The following PLEKHH2 variants were observed in gnomAD, a reference collection of about 807,000 sequenced individuals.
PLEKHH2 encodes the protein pleckstrin homology domain-containing family H member 2.
In PLEKHH2, 129 loss-of-function variants were observed where a neutral mutation model predicts 187.9. That is an observed-to-expected ratio of 0.69 (90% CI 0.59 to 0.79). The LOEUF is 0.79. Among genes scored for constraint, PLEKHH2 ranks in the 30% least tolerant of loss-of-function variants. The probability of loss-of-function intolerance (pLI) is 0.00; values close to 1 mark genes in which losing one functional copy is unlikely to be tolerated. For missense variants in PLEKHH2, 2,076 were observed against 1,751.2 expected, an observed-to-expected ratio of 1.19 and a Z score of -3.31; for synonymous variants, 686 against 605.6, an observed-to-expected ratio of 1.13 and a Z score of -1.95.
intron 8 of PLEKHH2, among the ~76,000 whole-genome samples, chr2:43,702,338 T>C (rs1216842144): frequency 1.3e-5 from 2 of 152,208 alleles, no homozygotes; most frequent in African/African-American, 4.8e-5. Flanking sequence ...TGAAACCTTC[T>C]GTAGTTTATT....
chr2:43,684,685 A>G (rs759191757), intron 3 of PLEKHH2, among the ~76,000 whole-genome samples: 1 of 152,232 alleles, frequency 6.6e-6, no homozygotes, highest in Admixed American at 6.5e-5. Flanking sequence ...GGTAAGTTTG[A>G]CAGGAAGGAC....
Position 43,678,920 on chromosome 2 carries a change from C to A in PLEKHH2, c.181C>A (p.Gln61Lys). The A allele has an allele frequency of 1.9e-6, 3 of 1,607,226 alleles. No homozygotes were observed. The highest frequency in any genetic ancestry group is 2.6e-6 in the Non-Finnish European group (3 of 1,175,202). Reference protein sequence around the residue: ...DAERQAEKAFQQVQVMEDKLK... With the variant: ...DAERQAEKAFKQVQVMEDKLK... ...TGAACGTCAAGCAGAAAAAGCTTTT[C>A]AACAGGTAGAGTATAATTTTACTTT... Residue 61 changes from glutamine (Q) to lysine (K), a missense_variant, in exon 3 of 30, where the codon CAA becomes AAA. Physicochemically the swap from Gln to Lys is moderately conservative, Grantham distance 53. Coordinates refer to ENST00000282406, the MANE Select transcript of PLEKHH2 (RefSeq NM_172069.4).
chr2:43,684,989 C>G (rs1004165572), intron 3 of PLEKHH2, among the ~76,000 whole-genome samples: 1 of 152,100 alleles, frequency 6.6e-6, no homozygotes, highest in African/African-American at 2.4e-5. Context: ...ATCTAAAAGT[C>G]GACAGGAAAT....
intron 3 of PLEKHH2, among the ~76,000 whole-genome samples, chr2:43,691,767 C>T (rs1234033319): frequency 2.0e-5 from 3 of 152,198 alleles, no homozygotes; most frequent in African/African-American, 7.2e-5. Context: ...AAGCTATCTG[C>T]CTGCCTCGGC....
At chr2:43,644,424 G>C (rs551231990) in intron 1 of PLEKHH2, among the ~76,000 whole-genome samples, 1 of 139,886 alleles carries the variant, frequency 7.1e-6, no homozygotes, top group South Asian at 2.3e-4. Context: ...CTGAGACATA[G>C]AAAGGTTAAG....
intron 21 of PLEKHH2, 103 bp downstream of exon 21, chr2:43,741,146 T>A: frequency 1.9e-6 from 2 of 1,042,636 alleles, no homozygotes; most frequent in Non-Finnish European, 2.7e-6. Context: ...CAGAAGAATG[T>A]ATGAAACAAA....
chr2:43,686,647 A>G (rs561174724), intron 3 of PLEKHH2, among the ~76,000 whole-genome samples: 4 of 152,368 alleles, frequency 2.6e-5, no homozygotes, highest in African/African-American at 7.2e-5. Flanking sequence ...TTGCTTTTCA[A>G]CTTCTGCAAG....
intron 4 of PLEKHH2, among the ~76,000 whole-genome samples, chr2:43,693,933 T>G (rs1668960305): frequency 6.6e-6 from 1 of 152,136 alleles, no homozygotes; most frequent in Non-Finnish European, 1.5e-5. Flanking sequence ...CCCTGCCTAT[T>G]GCGATTTATT....
intron 15 of PLEKHH2, among the ~76,000 whole-genome samples, chr2:43,716,435 G>A (rs979799339): frequency 6.6e-6 from 1 of 152,190 alleles, no homozygotes; most frequent in Non-Finnish European, 1.5e-5. Flanking sequence ...GTGGGGAAAA[G>A]GGTGGAGAAT....
rs754000185 is a variant in PLEKHH2, at chr2:43,675,620, C to G, written c.124-3243C>G. ...AATACATCTCTTCCTTCATAATCCT[C>G]TGCATTTTCTGCATGAACTCCTGCA... is the stretch of plus-strand genomic sequence containing the variant. On this transcript the variant is annotated intron_variant, in intron 2 of 29. Transcript: ENST00000282406. 2.5e-6 allele frequency: 4 copies of G among 1,613,726 alleles called. No homozygotes were observed. In the Admixed American group the frequency reaches 5.0e-5, roughly 20 times the overall value.
At position 43,710,267 on chromosome 2, in the gene PLEKHH2, C is replaced by G. The variant is rs1359483063; in HGVS notation, c.2151C>G (p.Val717=). The change falls in exon 13 of 30, where the codon GTC becomes GTG. Residue 717 remains valine, a synonymous_variant. Coordinates refer to ENST00000282406, the MANE Select transcript of PLEKHH2 (RefSeq NM_172069.4). ...SGYLLKMSGK[V]KSWKRRWFVL... ...ATTTATTAAAAATGAGTGGTAAAGT[C>G]AAGTCTTGGAAGCGGCGGTGGTTTG... is the stretch of plus-strand genomic sequence containing the variant. 1.9e-6 allele frequency: 3 copies of G among 1,614,092 alleles called. No homozygotes were observed. Among genetic ancestry groups the G allele is most frequent in the Non-Finnish European group, 2.5e-6 (3 of 1,180,022 alleles).
intron 24 of PLEKHH2, among the ~76,000 whole-genome samples, chr2:43,751,922 C>G (rs1558620031): frequency 6.8e-6 from 1 of 145,994 alleles, no homozygotes; most frequent in Non-Finnish European, 1.5e-5. Context: ...TTCTCTCTCT[C>G]TCTCTTTTTT....
At chr2:43,738,579 A>G in intron 20 of PLEKHH2, 59 bp downstream of exon 20, 1 of 1,448,226 alleles carries the variant, frequency 6.9e-7, no homozygotes, top group Non-Finnish European at 9.4e-7. Flanking sequence ...TTCTGATTGT[A>G]AGAATGATAC....
chr2:43,716,740 G>A lies in PLEKHH2; in HGVS notation c.2461-3929G>A, dbSNP rs545752077. 6.6e-5 allele frequency among the ~76,000 whole-genome samples: 10 copies of A among 152,214 alleles called. No individual in the cohort carries two copies. In the East Asian group the frequency reaches 1.3e-3, roughly 21 times the overall value. On this transcript the variant is annotated intron_variant, in intron 15 of 29. Coordinates refer to ENST00000282406, the MANE Select transcript of PLEKHH2 (RefSeq NM_172069.4). Reference sequence around the variant, plus strand: ...ATCAACATTTTACTTGCTTTACCACGTATCTTTCAAGATGATATTTGAAAT... The same window carrying A: ...ATCAACATTTTACTTGCTTTACCACATATCTTTCAAGATGATATTTGAAAT...
intron 1 of PLEKHH2, among the ~76,000 whole-genome samples, chr2:43,642,074 A>AG: frequency 6.6e-6 from 1 of 152,336 alleles, no homozygotes; most frequent in South Asian, 2.1e-4. Flanking sequence ...AAGTATTGCC[A>AG]TCTTCACAAT....
chr2:43,673,247 T>C (rs899754495), intron 2 of PLEKHH2, among the ~76,000 whole-genome samples: 2 of 152,166 alleles, frequency 1.3e-5, no homozygotes, highest in Non-Finnish European at 2.9e-5. Flanking sequence ...AAATATATCA[T>C]TTCCTCCATC....
At chr2:43,672,201 T>A (rs1432249502) in intron 2 of PLEKHH2, among the ~76,000 whole-genome samples, 5 of 152,210 alleles carry the variant, frequency 3.3e-5, no homozygotes, top group African/African-American at 4.8e-5. Flanking sequence ...CTCATTAGCA[T>A]CTGTGGGGTC....
chr2:43,677,856 G>T (rs372640759), intron 2 of PLEKHH2, among the ~76,000 whole-genome samples: 1 of 145,308 alleles, frequency 6.9e-6, no homozygotes, highest in Non-Finnish European at 1.5e-5. Flanking sequence ...CCTCCCGGAC[G>T]GGGCGGCTGG....
chr2:43,644,419 A>G (rs1461958483), intron 1 of PLEKHH2, among the ~76,000 whole-genome samples: 3 of 145,952 alleles, frequency 2.1e-5, no homozygotes, highest in Non-Finnish European at 4.5e-5. Flanking sequence ...CTAAACTGAG[A>G]CATAGAAAGG....
Sources: gnomAD v4.1 joint callset for allele counts (sites outside exome capture counted in the v4.1 genomes callset) on GRCh38, gnomAD v4.1.1 for gene constraint, MANE v1.5 for transcripts, NCBI Gene and HGNC (gene_info 2026-07-23, HGNC 2026-07-21) for gene names.